SLF1: variants seen among roughly 807,000 people sequenced by gnomAD.
SLF1 encodes SMC5/6 complex localization factor 1.
A neutral mutation model predicts 123.0 loss-of-function variants in SLF1; 105 were observed. The ratio of observed to expected loss-of-function variants is 0.85; its 90% CI spans 0.73 to 1.00. The LOEUF is 1.00. Among genes scored for constraint, SLF1 ranks in the 50% least tolerant of loss-of-function variants. The pLI is 0.00. For missense variants in SLF1, 1,239 were observed against 1,223.0 expected, an observed-to-expected ratio of 1.01 and a Z score of -0.20; for synonymous variants, 434 against 406.6, an observed-to-expected ratio of 1.07 and a Z score of -0.81.
At chr5:94,659,574 A>G (rs1458905303) in intron 9 of SLF1, among the ~76,000 whole-genome samples, 1 of 152,032 alleles carries the variant, frequency 6.6e-6, no homozygotes, top group South Asian at 2.1e-4. Flanking sequence ...TAGTCTCCAT[A>G]TGATTTCTTC....
intron 14 of SLF1, among the ~76,000 whole-genome samples, chr5:94,673,875 T>C (rs902321694): frequency 6.6e-6 from 1 of 152,010 alleles, no homozygotes; most frequent in Non-Finnish European, 1.5e-5. Context: ...GGAAGATTGC[T>C]CTGAGTATAG....
intron 15 of SLF1, 141 bp downstream of exon 15, chr5:94,679,096 C>A (rs943347659): frequency 1.3e-6 from 1 of 793,592 alleles, no homozygotes; most frequent in South Asian, 2.0e-5. Context: ...CACATAGATT[C>A]ACACACACAG....
chr5:94,633,877 G>A (rs1745471856), intron 4 of SLF1, among the ~76,000 whole-genome samples: 1 of 151,876 alleles, frequency 6.6e-6, no homozygotes, highest in African/African-American at 2.4e-5. Flanking sequence ...CTTGCTTTAG[G>A]CTTAATTTGC....
chr5:94,684,121 T>C (rs563526518), intron 15 of SLF1, among the ~76,000 whole-genome samples: 19 of 152,330 alleles, frequency 1.2e-4, no homozygotes, highest in African/African-American at 4.6e-4. Flanking sequence ...ACTCCATTTG[T>C]AAATTTCAAT....
chr5:94,659,510 A>G (rs944946242), intron 9 of SLF1, among the ~76,000 whole-genome samples: 42 of 152,154 alleles, frequency 2.8e-4, no homozygotes, highest in Non-Finnish European at 4.6e-4. Context: ...AGTTGTATCT[A>G]TAGTGTTGTT....
chr5:94,644,858 T>C (rs1746835250), intron 5 of SLF1, among the ~76,000 whole-genome samples: 1 of 152,194 alleles, frequency 6.6e-6, no homozygotes, highest in African/African-American at 2.4e-5. Flanking sequence ...CGTGTCTGTC[T>C]TTTCCTTTGT....
At chr5:94,686,472 A>G in intron 15 of SLF1, 101 bp from the exon 16 acceptor site, 1 of 1,264,286 alleles carries the variant, frequency 7.9e-7, no homozygotes, top group Non-Finnish European at 1.1e-6. Context: ...TAGGTGTAAG[A>G]GCTCTCATTT....
intron 5 of SLF1, 94 bp downstream of exon 5, chr5:94,643,529 A>G (rs993193173): frequency 2.1e-5 from 20 of 941,904 alleles, no homozygotes; most frequent in Admixed American, 1.2e-4. Flanking sequence ...GTTGTGTTCT[A>G]AATTTTGAAA....
intron 6 of SLF1, among the ~76,000 whole-genome samples, chr5:94,649,961 G>C (rs1222084635): frequency 6.6e-6 from 1 of 152,010 alleles, no homozygotes; most frequent in Non-Finnish European, 1.5e-5. Context: ...GTAAATTCAA[G>C]TATTTATATA....
chr5:94,689,514 T>A lies in SLF1; in HGVS notation c.2327T>A (p.Leu776Ter). Residue 776 changes from leucine to a stop codon, truncating the protein, a stop_gained, in exon 18 of 21, where the codon TTG (leucine) becomes TAG (stop). Coordinates refer to ENST00000265140, the MANE Select transcript of SLF1 (RefSeq NM_032290.4). LOFTEE classifies it high-confidence loss of function. Reference sequence around the variant, plus strand: ...AAATGTTCCTCATCATTAAAAAAATTGAAAAAGAAGTCAGAAGGAGAATTG... The same window carrying A: ...AAATGTTCCTCATCATTAAAAAAATAGAAAAAGAAGTCAGAAGGAGAATTG... ...LAKCSSSLKK[L>*]KKKSEGELSC... is the part of the protein sequence containing the mutation. 1 of 1,612,564 alleles carries A rather than the reference T, an allele frequency of 6.2e-7. No homozygotes were observed. Among genetic ancestry groups the A allele is most frequent in the Non-Finnish European group, 8.5e-7 (1 of 1,179,088 alleles).
intron 4 of SLF1, among the ~76,000 whole-genome samples, chr5:94,635,678 A>G (rs112537721): frequency 1.5e-4 from 23 of 152,104 alleles, no homozygotes; most frequent in African/African-American, 5.5e-4. Flanking sequence ...AACTTTGGTC[A>G]TATATAATAA....
intron 1 of SLF1, among the ~76,000 whole-genome samples, chr5:94,620,699 ATC>A (rs1791707547): frequency 6.6e-6 from 1 of 152,200 alleles, no homozygotes; most frequent in Non-Finnish European, 1.5e-5. Context: ...ATGAGACATC[ATC>A]TGTTACTCTT....
chr5:94,657,310 G>A (rs13354061), intron 9 of SLF1, among the ~76,000 whole-genome samples: 29,371 of 151,770 alleles, frequency 0.19, 3,653 homozygotes, highest in Non-Finnish European at 0.29. Flanking sequence ...TCCAATGGTC[G>A]TTTAGGAACA....
chr5:94,642,966 A>G (rs554627216), intron 4 of SLF1, among the ~76,000 whole-genome samples: 46 of 152,042 alleles, frequency 3.0e-4, no homozygotes, highest in African/African-American at 1.1e-3. Context: ...GACTTCTTTC[A>G]TTATCTTTTG....
chr5:94,635,337 C>CTTTTTTTTTT (rs34524874), intron 4 of SLF1, among the ~76,000 whole-genome samples: 9 of 43,902 alleles, frequency 2.1e-4, no homozygotes, highest in African/African-American at 2.7e-4. Context: ...ACATACTCGG[C>CTTTTTTTTTT]TTTTTTTTTT....
chr5:94,637,738 T>C (rs74376819), intron 4 of SLF1, among the ~76,000 whole-genome samples: 145 of 152,172 alleles, frequency 9.5e-4, no homozygotes, highest in East Asian at 8.3e-3. Context: ...GTTCCCTAAA[T>C]GGAGTCTTTG....
At chr5:94,661,393 T>C (rs1749087569) in intron 9 of SLF1, among the ~76,000 whole-genome samples, 1 of 152,182 alleles carries the variant, frequency 6.6e-6, no homozygotes, top group Non-Finnish European at 1.5e-5. Flanking sequence ...CCTGCCACTT[T>C]TAAATTGTAA....
intron 1 of SLF1, among the ~76,000 whole-genome samples, chr5:94,622,094 T>A (rs756704139): frequency 4.0e-4 from 61 of 152,352 alleles, no homozygotes; most frequent in Non-Finnish European, 6.6e-4. Context: ...CAGTATTTTA[T>A]ACACACAGTA....
intron 4 of SLF1, among the ~76,000 whole-genome samples, chr5:94,642,395 G>A (rs1021069349): frequency 2.0e-5 from 3 of 152,182 alleles, no homozygotes; most frequent in South Asian, 2.1e-4. Flanking sequence ...TGTGATGCTA[G>A]CTATACTTGC....
Sources: gnomAD v4.1 joint callset for allele counts (sites outside exome capture counted in the v4.1 genomes callset) on GRCh38, gnomAD v4.1.1 for gene constraint, MANE v1.5 for transcripts, NCBI Gene and HGNC (gene_info 2026-07-23, HGNC 2026-07-21) for gene names.